The following ESRRG variants were observed in gnomAD, a reference collection of about 807,000 sequenced individuals.
ESRRG encodes the protein estrogen-related receptor gamma.
ESRRG carries 13 observed loss-of-function variants against 44.0 expected under a neutral mutation model. The observed-to-expected ratio is 0.30, with a 90% CI of 0.19 to 0.47. ESRRG has a LOEUF of 0.47. Ranked by LOEUF, ESRRG falls within the 20% of genes least tolerant of loss-of-function variation. The probability of loss-of-function intolerance (pLI) is 1.00; values close to 1 mark genes in which losing one functional copy is unlikely to be tolerated. For missense variants in ESRRG, 395 were observed against 580.6 expected, an observed-to-expected ratio of 0.68 and a Z score of 3.29; for synonymous variants, 215 against 214.6, an observed-to-expected ratio of 1.00 and a Z score of -0.02.
intron 2 of ESRRG, among the ~76,000 whole-genome samples, chr1:216,740,412 A>G (rs1214404401): frequency 6.6e-6 from 1 of 152,150 alleles, no homozygotes; most frequent in Non-Finnish European, 1.5e-5. Flanking sequence ...CTTACACAAG[A>G]GGTGCACACA....
chr1:216,643,004 T>C (rs913195399), intron 3 of ESRRG, among the ~76,000 whole-genome samples: 9 of 152,120 alleles, frequency 5.9e-5, no homozygotes, highest in Non-Finnish European at 5.9e-5. Flanking sequence ...ATGGAAAATA[T>C]GAAACAGAAG....
chr1:216,933,483 TGG>T (rs2063665792), intron 2 of ESRRG, among the ~76,000 whole-genome samples: 2 of 152,012 alleles, frequency 1.3e-5, no homozygotes, highest in Non-Finnish European at 2.9e-5. Context: ...TCAATTTCTG[TGG>T]TGTAAATACT....
At chr1:216,641,614 A>G (rs562678203) in intron 3 of ESRRG, among the ~76,000 whole-genome samples, 76 of 152,366 alleles carry the variant, frequency 5.0e-4, no homozygotes, top group African/African-American at 1.8e-3. Flanking sequence ...GCCAGAGACT[A>G]AAGCTATGCC....
chr1:216,975,299 A>G (rs1176681142), intron 1 of ESRRG, among the ~76,000 whole-genome samples: 2 of 152,290 alleles, frequency 1.3e-5, no homozygotes, highest in South Asian at 2.1e-4. Context: ...CTTACCAACC[A>G]TTTTAAATAC....
chr1:216,974,072 A>G (rs1253749545), intron 1 of ESRRG, among the ~76,000 whole-genome samples: 1 of 152,214 alleles, frequency 6.6e-6, no homozygotes, highest in African/African-American at 2.4e-5. Context: ...ATAGAAAAAG[A>G]TTATTATCAT....
chr1:217,025,665 C>A (rs1174645953), intron 1 of ESRRG, among the ~76,000 whole-genome samples: 2 of 152,146 alleles, frequency 1.3e-5, no homozygotes, highest in Non-Finnish European at 2.9e-5. Flanking sequence ...TTTGGCCAAA[C>A]CCTTATGGGT....
chr1:217,132,753 C>T (rs1445119974), intron 1 of ESRRG, among the ~76,000 whole-genome samples: 1 of 152,002 alleles, frequency 6.6e-6, no homozygotes. Context: ...ATGGTTACCC[C>T]GTCCTTGCCT....
intron 2 of ESRRG, among the ~76,000 whole-genome samples, chr1:216,859,193 T>C (rs2096006885): frequency 6.6e-6 from 1 of 151,996 alleles, no homozygotes; most frequent in Non-Finnish European, 1.5e-5. Context: ...ACAAACAAAA[T>C]ATACAGAACA....
At chr1:217,135,506 G>C (rs556883643) in intron 1 of ESRRG, among the ~76,000 whole-genome samples, 1 of 151,826 alleles carries the variant, frequency 6.6e-6, no homozygotes, top group Non-Finnish European at 1.5e-5. Context: ...CGGAGGCCAA[G>C]GACTGAGCAA....
intron 1 of ESRRG, among the ~76,000 whole-genome samples, chr1:216,702,360 T>C (rs1247036403): frequency 4.6e-5 from 7 of 152,206 alleles, no homozygotes; most frequent in African/African-American, 1.7e-4. Context: ...TGATTCATGC[T>C]CATTTACTAA....
chr1:216,903,330 A>G (rs991665036), intron 2 of ESRRG, among the ~76,000 whole-genome samples: 1 of 151,994 alleles, frequency 6.6e-6, no homozygotes, highest in African/African-American at 2.4e-5. Flanking sequence ...CCGGGCCAAG[A>G]TCTTTTTTAA....
At chr1:217,090,801 G>A (rs765744629), upstream of ESRRG, among the ~76,000 whole-genome samples, 3 of 152,164 alleles carry the variant, frequency 2.0e-5, no homozygotes, top group Non-Finnish European at 4.4e-5. Context: ...TTCTACAACA[G>A]CAGGAAAACT....
At chr1:217,110,614 T>C (rs910824192) in intron 1 of ESRRG, among the ~76,000 whole-genome samples, 1 of 152,100 alleles carries the variant, frequency 6.6e-6, no homozygotes, top group African/African-American at 2.4e-5. Context: ...GCACATCATA[T>C]GGTGAAAACA....
intron 2 of ESRRG, among the ~76,000 whole-genome samples, chr1:216,769,233 A>C (rs2093271850): frequency 6.6e-6 from 1 of 152,144 alleles, no homozygotes; most frequent in Admixed American, 6.5e-5. Flanking sequence ...AAGAATGAAC[A>C]GTATAATTGC....
chr1:216,605,100 C>G (rs1441118526), intron 3 of ESRRG, among the ~76,000 whole-genome samples: 1 of 152,086 alleles, frequency 6.6e-6, no homozygotes, highest in Non-Finnish European at 1.5e-5. Context: ...TAAACGTAAC[C>G]AAGAAACAGA....
chr1:216,757,309 C>A (rs1295175808), intron 2 of ESRRG, among the ~76,000 whole-genome samples: 6 of 152,026 alleles, frequency 3.9e-5, no homozygotes, highest in African/African-American at 1.4e-4. Flanking sequence ...GGGAGACTGA[C>A]AACCTCTACT....
intron 2 of ESRRG, among the ~76,000 whole-genome samples, chr1:216,939,359 A>AAAAAC (rs1432382067): frequency 3.7e-4 from 55 of 149,348 alleles, no homozygotes; most frequent in African/African-American, 1.4e-3. Flanking sequence ...AAAAAAAAAA[A>AAAAAC]AAAAAAAAAA....
intron 2 of ESRRG, among the ~76,000 whole-genome samples, chr1:216,929,400 G>A (rs1037764675): frequency 3.3e-5 from 5 of 152,144 alleles, no homozygotes. Context: ...CATCAAAAAG[G>A]CAATACATCT....
intron 2 of ESRRG, among the ~76,000 whole-genome samples, chr1:216,753,275 C>T (rs957292828): frequency 3.9e-5 from 6 of 152,012 alleles, no homozygotes; most frequent in Admixed American, 2.6e-4. Context: ...TTTCAAACTA[C>T]ACACTAGTGC....
Sources: allele counts gnomAD v4.1 joint callset (sites outside exome capture counted in the v4.1 genomes callset), GRCh38; gene constraint gnomAD v4.1.1; transcripts MANE v1.5; gene names NCBI Gene and HGNC (gene_info 2026-07-23, HGNC 2026-07-21).